Variants in TINAG observed in about 807,000 individuals in gnomAD.
The protein encoded by TINAG is tubulointerstitial nephritis antigen.
TINAG carries 83 observed loss-of-function variants against 72.7 expected under a neutral mutation model. That is an observed-to-expected ratio of 1.14 (90% CI 0.96 to 1.37). The LOEUF is 1.37. TINAG is among the 40% of genes most tolerant of loss of function. TINAG has a pLI of 0.00. For missense variants in TINAG, 685 were observed against 576.6 expected (o/e 1.19, Z -1.93); for synonymous variants, 234 against 189.9 (o/e 1.23, Z -1.91).
At chr6:54,313,304 G>A (rs552698029) in intron 1 of TINAG, among the ~76,000 whole-genome samples, 35 of 152,202 alleles carry the variant, frequency 2.3e-4, no homozygotes, top group African/African-American at 8.2e-4. Context: ...GTTAGGGATC[G>A]TATTCCTGTT....
intron 9 of TINAG, among the ~76,000 whole-genome samples, chr6:54,357,002 A>G (rs1763064416): frequency 6.6e-6 from 1 of 151,578 alleles, no homozygotes; most frequent in Non-Finnish European, 1.5e-5. Context: ...ACTCCTTGCA[A>G]GATTTGCCTG....
chr6:54,313,372 C>T (rs564744053), intron 1 of TINAG, among the ~76,000 whole-genome samples: 1 of 152,232 alleles, frequency 6.6e-6, no homozygotes, highest in African/African-American at 2.4e-5. Context: ...ATTCACCCCT[C>T]ACAGAACCTG....
chr6:54,362,624 T>C (rs186365335), intron 9 of TINAG, among the ~76,000 whole-genome samples: 25 of 151,728 alleles, frequency 1.6e-4, no homozygotes, highest in Admixed American at 1.4e-3. Flanking sequence ...CAAGAGGTAA[T>C]TTCTACTTTC....
At chr6:54,339,549 G>C (rs9296751) in intron 4 of TINAG, among the ~76,000 whole-genome samples, 3 of 152,126 alleles carry the variant, frequency 2.0e-5, no homozygotes, top group East Asian at 3.9e-4. Context: ...GGCGGGTTGA[G>C]GGGGGTGCAT....
intron 6 of TINAG, among the ~76,000 whole-genome samples, chr6:54,348,053 C>A (rs1785168161): frequency 6.6e-6 from 1 of 152,022 alleles, no homozygotes; most frequent in Non-Finnish European, 1.5e-5. Context: ...CATATAACAT[C>A]CTTGTGTCTT....
intron 1 of TINAG, among the ~76,000 whole-genome samples, chr6:54,313,030 G>A (rs756931509): frequency 6.6e-6 from 1 of 152,084 alleles, no homozygotes; most frequent in African/African-American, 2.4e-5. Context: ...ACTATTGCAG[G>A]TATTTTGGGA....
At chr6:54,361,193 C>A (rs547814489) in intron 9 of TINAG, among the ~76,000 whole-genome samples, 1 of 151,506 alleles carries the variant, frequency 6.6e-6, no homozygotes, top group Admixed American at 6.6e-5. Flanking sequence ...TTCCCTTAGA[C>A]ACAACAATAT....
At position 54,351,495 on chromosome 6, in the gene TINAG, T is replaced by G. The variant is rs905324035; in HGVS notation, c.1126+98T>G. On this transcript the variant is annotated intron_variant, in intron 8 of 10. Coordinates refer to ENST00000259782, the MANE Select transcript of TINAG (RefSeq NM_014464.4). The stretch of plus-strand genomic sequence containing the variant: ...TAGGAGTTTAATAAAATAAAGAAAA[T>G]TTTTACTTTAAGAGTATCCAAAAGG... 4 of 1,187,682 alleles carry G rather than the reference T, an allele frequency of 3.4e-6. No homozygotes were observed. In the African/African-American group the frequency reaches 4.7e-5, roughly 14 times the overall value. 73.6% of individuals were successfully genotyped at this position (1,187,682 alleles called of 1,614,324 possible). A position where few individuals can be genotyped will look rare whatever the true frequency, so the allele number is the denominator to read the frequency against.
chr6:54,381,789 GT>G (rs1284691790), intron 10 of TINAG, among the ~76,000 whole-genome samples: 7 of 152,028 alleles, frequency 4.6e-5, no homozygotes, highest in Non-Finnish European at 1.0e-4. Flanking sequence ...AATTTGAACA[GT>G]TTTTTAATCT....
intron 1 of TINAG, among the ~76,000 whole-genome samples, 193 bp from the exon 2 acceptor site, chr6:54,320,386 G>A (rs1429200755): frequency 1.3e-5 from 2 of 152,076 alleles, no homozygotes; most frequent in South Asian, 2.1e-4. Context: ...AAAGATAAAA[G>A]CATTGAAACA....
At position 54,347,513 on chromosome 6, in the gene TINAG, C is replaced by T. The variant is rs376779713; in HGVS notation, c.895C>T (p.Arg299Cys). 12 of 1,611,994 alleles carry T rather than the reference C, an allele frequency of 7.4e-6. No homozygotes were observed. In the East Asian group the frequency reaches 1.3e-4, roughly 18 times the overall value. ...IDRAWWYLRKRGLVSHACYPL... is the reference protein window; with the variant it reads ...IDRAWWYLRKCGLVSHACYPL... ...TAGGGCTTGGTGGTACCTGAGAAAA[C>T]GTGGGTAAATAGCTGCTCAACATGT... Residue 299 changes from arginine (R) to cysteine (C), a missense_variant, in exon 6 of 11, where the codon CGT (arginine) becomes TGT (cysteine). By Grantham distance (180) the Arg-to-Cys change is radical. Transcript: ENST00000259782.
chr6:54,360,841 G>GTTT lies in TINAG; in HGVS notation c.1250+6234_1250+6236dup, dbSNP rs70983415. Among the ~76,000 whole-genome samples, 72 of 26,250 alleles carry GTTT rather than the reference G, an allele frequency of 2.7e-3. 17 individuals are homozygous for GTTT. Among genetic ancestry groups the GTTT allele is most frequent in the Admixed American group, 9.6e-3 (16 of 1,666 alleles). 17.2% of individuals were successfully genotyped at this position (26,250 alleles called of 152,430 possible). A position where few individuals can be genotyped will look rare whatever the true frequency, so the allele number is the denominator to read the frequency against. On this transcript the variant is annotated intron_variant, in intron 9 of 10. Transcript: ENST00000259782. ...GTTTCTTGTGTTTCACAGATACTGT[G>GTTT]TTTTTTTTTTTTTTTTTTTTTTTTT... is the stretch of plus-strand genomic sequence containing the variant.
intron 5 of TINAG, among the ~76,000 whole-genome samples, chr6:54,346,200 T>C (rs1785117160): frequency 1.3e-5 from 2 of 152,096 alleles, no homozygotes; most frequent in African/African-American, 4.8e-5. Flanking sequence ...AGGGTTTTGC[T>C]ACTGGTTAAT....
chr6:54,373,685 G>A (rs547182812), intron 9 of TINAG, among the ~76,000 whole-genome samples: 2 of 152,096 alleles, frequency 1.3e-5, no homozygotes, highest in East Asian at 1.9e-4. Context: ...AAATGAGCAC[G>A]AATATTCCAT....
intron 9 of TINAG, among the ~76,000 whole-genome samples, chr6:54,378,297 C>G (rs1763843689): frequency 6.6e-6 from 1 of 152,114 alleles, no homozygotes; most frequent in Non-Finnish European, 1.5e-5. Context: ...TTTCCTTTTC[C>G]TCTGTCACCT....
intron 1 of TINAG, among the ~76,000 whole-genome samples, chr6:54,313,823 T>A (rs1455351476): frequency 6.6e-6 from 1 of 152,206 alleles, no homozygotes; most frequent in East Asian, 1.9e-4. Context: ...TACATAGTTT[T>A]AAAAGATATT....
chr6:54,342,130 T>C (rs1785011738), intron 4 of TINAG, among the ~76,000 whole-genome samples: 1 of 152,122 alleles, frequency 6.6e-6, no homozygotes, highest in Admixed American at 6.6e-5. Context: ...CAAATCGTTA[T>C]TTGGTTTAAG....
chr6:54,349,915 A>G lies in TINAG; in HGVS notation c.1080+19A>G, dbSNP rs1785223887. ...TTCCAACGTAAGTATAAATGGCAAG[A>G]ATCAAGAATAGTTGGCTTTCTCAAA... On this transcript the variant is annotated intron_variant, in intron 7 of 10. Transcript: ENST00000259782. 2 of 1,502,420 alleles carry G rather than the reference A, an allele frequency of 1.3e-6. No individual in the cohort carries two copies. The highest frequency in any genetic ancestry group is 3.8e-5 in the Admixed American group (2 of 52,234). The allele number at this position is 1,502,420 out of a possible 1,614,324, so 93.1% of individuals were successfully genotyped here.
At chr6:54,343,563 T>G (rs1325928977) in intron 5 of TINAG, among the ~76,000 whole-genome samples, 4 of 151,824 alleles carry the variant, frequency 2.6e-5, no homozygotes, top group African/African-American at 9.7e-5. Flanking sequence ...GGTGAAATTT[T>G]AAATAGAGAG....
Sources: gnomAD v4.1 joint callset for allele counts (sites outside exome capture counted in the v4.1 genomes callset) on GRCh38, gnomAD v4.1.1 for gene constraint, MANE v1.5 for transcripts, NCBI Gene and HGNC (gene_info 2026-07-23, HGNC 2026-07-21) for gene names.